DLC1: variants seen among roughly 807,000 people sequenced by gnomAD.
DLC1 encodes the protein DLC1 Rho GTPase activating protein, also known as rho GTPase-activating protein 7.
Under a neutral mutation model 140.3 loss-of-function variants are expected in DLC1, and 54 were observed. That is an observed-to-expected ratio of 0.38 (90% CI 0.31 to 0.48). The LOEUF (loss-of-function observed/expected upper bound fraction) is 0.48, where lower values mean the gene tolerates loss of function less well. Ranked by LOEUF, DLC1 falls within the 20% of genes least tolerant of loss-of-function variation. The probability of loss-of-function intolerance (pLI) is 0.96; values close to 1 mark genes in which losing one functional copy is unlikely to be tolerated. For missense variants in DLC1, 2,536 were observed against 1,907.0 expected (o/e 1.33, Z -6.14); for synonymous variants, 986 against 728.1 (o/e 1.35, Z -5.70).
At position 13,449,381 on chromosome 8, in the gene DLC1, A is replaced by G. The variant is rs747277306; in HGVS notation, c.1024-47762T>C. On this transcript the variant is annotated intron_variant, in intron 2 of 17. Transcript: ENST00000276297. ...AATATTTCCCAGCGTCAAATGAGGG[A>G]TAATTACCTCTTTCAAAGAGGAGAT... 4.0e-4 allele frequency among the ~76,000 whole-genome samples: 61 copies of G among 152,314 alleles called. 1 individual carries two copies. In the Middle Eastern group the frequency reaches 0.014, roughly 34 times the overall value.
chr8:13,316,443 ATTAACT>A (rs760019313), intron 4 of DLC1, among the ~76,000 whole-genome samples: 3 of 152,070 alleles, frequency 2.0e-5, no homozygotes, highest in Admixed American at 6.6e-5. Context: ...AATAATGGTA[ATTAACT>A]TTAACAACTT....
intron 2 of DLC1, among the ~76,000 whole-genome samples, chr8:13,421,134 C>A (rs1396204936): frequency 6.6e-6 from 1 of 152,050 alleles, no homozygotes; most frequent in African/African-American, 2.4e-5. Context: ...TTAAGTTTTC[C>A]AAAACTCGAT....
At chr8:13,183,983 C>G (rs1826194906) in intron 5 of DLC1, among the ~76,000 whole-genome samples, 1 of 152,154 alleles carries the variant, frequency 6.6e-6, no homozygotes, top group African/African-American at 2.4e-5. Context: ...ATTATTGCCT[C>G]AATTTCAGAG....
intron 2 of DLC1, among the ~76,000 whole-genome samples, chr8:13,453,426 G>T (rs373213671): frequency 4.5e-3 from 57 of 12,594 alleles, no homozygotes; most frequent in South Asian, 1.0e-2. Flanking sequence ...ATATATATGT[G>T]TATATATATA....
intron 1 of DLC1, among the ~76,000 whole-genome samples, chr8:13,505,755 A>C (rs988515118): frequency 6.6e-6 from 1 of 152,154 alleles, no homozygotes; most frequent in African/African-American, 2.4e-5. Flanking sequence ...CAGTTCTTTC[A>C]GTTTCCTTTC....
chr8:13,352,192 C>T (rs1424613926), intron 4 of DLC1, among the ~76,000 whole-genome samples: 1 of 151,618 alleles, frequency 6.6e-6, no homozygotes, highest in East Asian at 1.9e-4. Flanking sequence ...CCACATGGTG[C>T]ACGTGGATGC....
At chr8:13,286,543 T>G (rs1285520805) in intron 5 of DLC1, among the ~76,000 whole-genome samples, 1 of 152,122 alleles carries the variant, frequency 6.6e-6, no homozygotes, top group Non-Finnish European at 1.5e-5. Flanking sequence ...ATCACATTAT[T>G]ATATGAGAAT....
intron 4 of DLC1, among the ~76,000 whole-genome samples, chr8:13,328,978 G>A (rs1481088623): frequency 6.6e-6 from 1 of 152,134 alleles, no homozygotes; most frequent in Admixed American, 6.5e-5. Context: ...GAAGGGGATG[G>A]GAAGCTGGAT....
At chr8:13,292,775 A>G (rs1222386619) in intron 5 of DLC1, among the ~76,000 whole-genome samples, 1 of 152,226 alleles carries the variant, frequency 6.6e-6, no homozygotes. Context: ...TTTTTAAAAA[A>G]TGCATCAATT....
intron 1 of DLC1, chr8:13,558,629 A>G (rs1412895735): frequency 1.3e-5 from 2 of 152,224 alleles, no homozygotes; most frequent in East Asian, 1.9e-4. Context: ...ACCACAGTCC[A>G]GGAAAGGAGG....
intron 5 of DLC1, among the ~76,000 whole-genome samples, chr8:13,232,281 G>C (rs1487453093): frequency 1.3e-5 from 2 of 152,078 alleles, no homozygotes; most frequent in South Asian, 2.1e-4. Flanking sequence ...CACACACACA[G>C]GGTAAATATT....
intron 5 of DLC1, among the ~76,000 whole-genome samples, chr8:13,225,615 A>AT: frequency 6.7e-6 from 1 of 149,264 alleles, no homozygotes; most frequent in African/African-American, 2.5e-5. Flanking sequence ...TTATTTATTT[A>AT]ATTTTTTTTT....
rs925009967 is a variant in DLC1, at chr8:13,401,545, A to G, written c.1098T>C (p.Asp366=). 1.9e-6 allele frequency: 3 copies of G among 1,613,550 alleles called. No homozygotes were observed. In the African/African-American group the frequency reaches 4.0e-5, roughly 22 times the overall value. Residue 366 remains aspartate (D), a synonymous_variant, in exon 3 of 18, where the codon GAT becomes GAC. Coordinates refer to ENST00000276297, the MANE Select transcript of DLC1 (RefSeq NM_182643.3). The part of the protein sequence containing the change: ...VLLIMKLDQL[D]QDIENALSTS... ...TGCTGAGGGCATTTTCTATGTCCTGATCAAGCTGGTCCAGTTTCATAATCA... is the reference window on the plus strand; with the variant it reads ...TGCTGAGGGCATTTTCTATGTCCTGGTCAAGCTGGTCCAGTTTCATAATCA...
At chr8:13,161,183 C>T (rs1824668820) in intron 5 of DLC1, among the ~76,000 whole-genome samples, 2 of 152,172 alleles carry the variant, frequency 1.3e-5, no homozygotes, top group Non-Finnish European at 2.9e-5. Flanking sequence ...AAATATACCA[C>T]CTATGTCTAC....
chr8:13,597,876 A>G (rs894911332), intron 1 of DLC1, among the ~76,000 whole-genome samples: 2 of 152,114 alleles, frequency 1.3e-5, no homozygotes, highest in African/African-American at 2.4e-5. Flanking sequence ...AATATTTGCA[A>G]TTGTATTATA....
intron 5 of DLC1, among the ~76,000 whole-genome samples, chr8:13,138,342 T>C (rs1822720113): frequency 6.6e-6 from 1 of 152,226 alleles, no homozygotes; most frequent in South Asian, 2.1e-4. Context: ...ATATGAAATC[T>C]CTCAATTTTT....
At chr8:13,552,111 G>GTATATATATATA (rs3066465) in intron 1 of DLC1, among the ~76,000 whole-genome samples, 5,534 of 53,738 alleles carry the variant, frequency 0.1, 355 homozygotes, top group East Asian at 0.18. Context: ...GTCTAGAGGT[G>GTATATATATATA]TATATATATA....
chr8:13,103,839 C>CAAAAAAAAAAAAAAAAAAAA (rs1002564334), intron 7 of DLC1, among the ~76,000 whole-genome samples: 1 of 60,802 alleles, frequency 1.6e-5, no homozygotes, highest in African/African-American at 5.0e-5. Flanking sequence ...GACTCCATCT[C>CAAAAAAAAAAAAAAAAAAAA]AAAAAAAAAA....
rs552718594 is a variant in DLC1, at chr8:13,512,138, T to C, written c.-126+2464A>G. ...ACCACTTTACTGCACTTATTTCTCA[T>C]TCCAATAATGTAGAGTGTGGTGACA... On this transcript the variant is annotated intron_variant, in intron 1 of 17. Transcript: ENST00000276297. Among the ~76,000 whole-genome samples the C allele has an allele frequency of 3.2e-4, 49 of 152,254 alleles. No homozygotes were observed. The South Asian group carries it at 7.3e-3, about 23-fold the overall frequency.
Sources: gnomAD v4.1 joint callset for allele counts (sites outside exome capture counted in the v4.1 genomes callset) on GRCh38, gnomAD v4.1.1 for gene constraint, MANE v1.5 for transcripts, NCBI Gene and HGNC (gene_info 2026-07-23, HGNC 2026-07-21) for gene names.